The following CCDC88A variants were observed in gnomAD, a reference collection of about 807,000 sequenced individuals.
CCDC88A encodes the protein coiled-coil and HOOK domain protein 88A, also known as girdin.
Under a neutral mutation model 234.3 loss-of-function variants are expected in CCDC88A, and 54 were observed. That is an observed-to-expected ratio of 0.23 (90% CI 0.19 to 0.29). CCDC88A has a LOEUF of 0.29. Ranked by LOEUF, CCDC88A falls within the 10% of genes least tolerant of loss-of-function variation. The pLI, the probability that CCDC88A is intolerant of heterozygous loss-of-function variation, is 1.00. For missense variants in CCDC88A, 1,832 were observed against 2,123.4 expected, an observed-to-expected ratio of 0.86 and a Z score of 2.70; for synonymous variants, 753 against 737.8, an observed-to-expected ratio of 1.02 and a Z score of -0.33.
At chr2:55,380,941 A>G (rs898957656) in intron 3 of CCDC88A, among the ~76,000 whole-genome samples, 2 of 152,192 alleles carry the variant, frequency 1.3e-5, no homozygotes, top group African/African-American at 4.8e-5. Flanking sequence ...TTGACCATCT[A>G]AAACCCCTTT....
In CCDC88A at chr2:55,334,343, T is replaced by C. The variant is rs909650599; in HGVS notation, c.2478A>G (p.Gln826=). 13 of 1,524,780 alleles carry C rather than the reference T, an allele frequency of 8.5e-6. No individual in the cohort carries two copies. Among genetic ancestry groups the C allele is most frequent in the African/African-American group, 1.4e-5 (1 of 71,234 alleles). The allele number at this position is 1,524,780 out of a possible 1,614,324, so 94.5% of individuals were successfully genotyped here. Residue 826 remains glutamine (Q), a synonymous_variant, in exon 15 of 33, where the codon CAA becomes CAG. Transcript: ENST00000436346. This position sits in a 1 kb window ranked among gnomAD's most constrained non-coding sequence, Gnocchi z 6.1. Reference sequence around the variant, plus strand: ...CCAATTGTTTCTTATCCTTTTCCAGTTGAGAAGTCTCTTGCTCTAATGATT... The same window carrying C: ...CCAATTGTTTCTTATCCTTTTCCAGCTGAGAAGTCTCTTGCTCTAATGATT... ...ENKSLEQETS[Q]LEKDKKQLEK...
At chr2:55,348,521 C>T (rs1669476663) in intron 9 of CCDC88A, 1 of 152,182 alleles carries the variant, frequency 6.6e-6, no homozygotes, top group African/African-American at 2.4e-5. Context: ...GATCCACCTG[C>T]CTCAGCCTCC....
intron 5 of CCDC88A, among the ~76,000 whole-genome samples, chr2:55,368,115 G>A (rs1672289920): frequency 1.3e-5 from 2 of 152,196 alleles, no homozygotes; most frequent in Admixed American, 6.5e-5. Flanking sequence ...TCACAGATGT[G>A]TGAAAATTCT....
Position 55,419,099 on chromosome 2 carries a change from A to G in CCDC88A, c.-20T>C. ...CTCCATTTTACAGAGTATGTATTTG[A>G]AAAAAGGAACTACCACAAAAATACG... On this transcript the variant is annotated 5_prime_UTR_variant, in exon 1 of 33. Coordinates refer to ENST00000436346, the MANE Select transcript of CCDC88A (RefSeq NM_001365480.1). The G allele has an allele frequency of 6.5e-7, 1 of 1,529,950 alleles. No individual in the cohort carries two copies. The allele number at this position is 1,529,950 out of a possible 1,614,324, so 94.8% of individuals were successfully genotyped here. A position where few individuals can be genotyped will look rare whatever the true frequency, so the allele number is the denominator to read the frequency against.
chr2:55,418,967 GCAGC>G, intron 1 of CCDC88A, 46 bp downstream of exon 1: 14 of 1,593,934 alleles, frequency 8.8e-6, no homozygotes, highest in Non-Finnish European at 1.2e-5. Context: ...CTCCATCTCT[GCAGC>G]CACAAATAAC....
At position 55,339,771 on chromosome 2, in the gene CCDC88A, A is replaced by G. The variant is rs1574177662; in HGVS notation, c.1334-123T>C. The G allele has an allele frequency of 4.5e-6, 3 of 663,512 alleles. No homozygotes were observed. The East Asian group carries it at 9.3e-5, about 21-fold the overall frequency. 41.1% of individuals were successfully genotyped at this position (663,512 alleles called of 1,614,324 possible). A position where few individuals can be genotyped will look rare whatever the true frequency, so the allele number is the denominator to read the frequency against. On this transcript the variant is annotated intron_variant, in intron 12 of 32. Transcript: ENST00000436346. ...CATCTGATCCTTAACTTTATTAAAA[A>G]TTCAATGAGGTTATATAAGATAAAC...
In CCDC88A at chr2:55,355,669, G is replaced by A. The variant is rs754842111; in HGVS notation, c.710C>T (p.Ser237Phe). The change falls in exon 8 of 33, where the codon TCT (serine) becomes TTT (phenylalanine). Residue 237 changes from serine (S) to phenylalanine (F), a missense_variant. Coordinates refer to ENST00000436346, the MANE Select transcript of CCDC88A (RefSeq NM_001365480.1). ...ASSSAQSPCG[S>F]PGMKRTESRQ... ...ACTTTCTGTTCGCTTCATGCCTGGA[G>A]AACCACAGGGTGACTGTGCAGATGA... 2 of 1,613,986 alleles carry A rather than the reference G, an allele frequency of 1.2e-6. No individual in the cohort carries two copies. The highest frequency in any genetic ancestry group is 1.7e-6 in the Non-Finnish European group (2 of 1,179,874).
At chr2:55,314,010 T>A (rs1054384881) in intron 22 of CCDC88A, 3 of 152,226 alleles carry the variant, frequency 2.0e-5, no homozygotes, top group African/African-American at 7.2e-5. Context: ...TTTTCCTTCT[T>A]CTTGAATTTG....
chr2:55,347,714 C>T (rs1178874155), intron 9 of CCDC88A, among the ~76,000 whole-genome samples: 7 of 149,332 alleles, frequency 4.7e-5, no homozygotes, highest in African/African-American at 1.2e-4. Flanking sequence ...CAGGTTCAAG[C>T]GATTCTTGTG....
chr2:55,299,789 T>A (rs1306912309), intron 29 of CCDC88A, 50 bp downstream of exon 29: 9 of 1,258,882 alleles, frequency 7.1e-6, no homozygotes, highest in Middle Eastern at 3.8e-4. Context: ...CTCCCACCTT[T>A]AAATACTGGA....
chr2:55,366,048 T>C (rs1427863326), intron 5 of CCDC88A, among the ~76,000 whole-genome samples: 1 of 152,010 alleles, frequency 6.6e-6, no homozygotes, highest in Non-Finnish European at 1.5e-5. Context: ...AAAACAGATA[T>C]ATAGCTTAAT....
In CCDC88A at chr2:55,317,868, C is replaced by A; in HGVS notation, c.3325-27G>T. ...TATAAGAATATATATTGTTATCAGA[C>A]ATAAGAAAAACAGTTCATGTTCTTT... On this transcript the variant is annotated intron_variant, in intron 19 of 32. Transcript: ENST00000436346. This position sits in a 1 kb window ranked among gnomAD's most constrained non-coding sequence, Gnocchi z 4.2. 1 of 1,454,414 alleles carries A rather than the reference C, an allele frequency of 6.9e-7. No homozygotes were observed. Among genetic ancestry groups the A allele is most frequent in the African/African-American group, 1.4e-5 (1 of 70,784 alleles). 90.1% of individuals were successfully genotyped at this position (1,454,414 alleles called of 1,614,324 possible). A position where few individuals can be genotyped will look rare whatever the true frequency, so the allele number is the denominator to read the frequency against.
At chr2:55,413,915 G>C (rs1680924124) in intron 2 of CCDC88A, among the ~76,000 whole-genome samples, 1 of 151,476 alleles carries the variant, frequency 6.6e-6, no homozygotes, top group Non-Finnish European at 1.5e-5. Context: ...TCATGCCCCT[G>C]CACTCCAGCC....
chr2:55,344,441 G>T lies in CCDC88A; in HGVS notation c.1115C>A (p.Ala372Asp). The T allele has an allele frequency of 6.3e-7, 1 of 1,587,210 alleles. No homozygotes were observed. Among genetic ancestry groups the T allele is most frequent in the Non-Finnish European group, 8.6e-7 (1 of 1,162,220 alleles). ...MLEDQLEGTR[A>D]RSDKLHELEK... ...TAATTCATGTAATTTATCAGAACGA[G>T]CACGAGTTCCCTCTAGTTGGTCTTC... The change falls in exon 11 of 33, where the codon GCT becomes GAT. Residue 372 changes from alanine (A) to aspartate (D), a missense_variant. Around this residue, in one of 6 missense-constraint regions of CCDC88A, gnomAD observed 1,282 missense variants for 1,543.6 expected, o/e 0.83. Coordinates refer to ENST00000436346, the MANE Select transcript of CCDC88A (RefSeq NM_001365480.1).
At chr2:55,345,213 TC>T (rs1668950913) in intron 10 of CCDC88A, 1 of 152,174 alleles carries the variant, frequency 6.6e-6, no homozygotes, top group African/African-American at 2.4e-5. Context: ...GTACTTTATC[TC>T]TACAGTCCTA....
chr2:55,331,798 CATT>C (rs1684945438), intron 16 of CCDC88A: 1 of 152,110 alleles, frequency 6.6e-6, no homozygotes, highest in Non-Finnish European at 1.5e-5. Flanking sequence ...TAGTTTTCCA[CATT>C]ATTTTTATAC....
chr2:55,399,991 T>G (rs1372732995), intron 2 of CCDC88A, among the ~76,000 whole-genome samples: 1 of 152,194 alleles, frequency 6.6e-6, no homozygotes, highest in Non-Finnish European at 1.5e-5. Flanking sequence ...CACAATACAG[T>G]AATTTAAACA....
At chr2:55,324,326 AC>A (rs1414854481) in intron 17 of CCDC88A, 2 of 152,194 alleles carry the variant, frequency 1.3e-5, no homozygotes, top group African/African-American at 4.8e-5. Context: ...CACCTATATA[AC>A]CCATATATCA....
intron 29 of CCDC88A, among the ~76,000 whole-genome samples, chr2:55,298,592 TAC>T (rs1471754568): frequency 6.6e-6 from 1 of 151,808 alleles, no homozygotes; most frequent in African/African-American, 2.4e-5. Flanking sequence ...AATTCTGGAG[TAC>T]AGAGAGTAAC....
Sources: gnomAD v4.1 joint callset for allele counts (sites outside exome capture counted in the v4.1 genomes callset) on GRCh38, gnomAD v4.1.1 for gene constraint, gnomAD v4.1.1 regional missense constraint, Gnocchi (gnomAD v3.1) non-coding constraint, MANE v1.5 for transcripts, NCBI Gene and HGNC (gene_info 2026-07-23, HGNC 2026-07-21) for gene names.